GML: variants seen among roughly 807,000 people sequenced by gnomAD.
The protein encoded by GML is glycosylphosphatidylinositol anchored molecule like.
A neutral mutation model predicts 8.2 loss-of-function variants in GML; 5 were observed. The ratio of observed to expected loss-of-function variants is 0.61; its 90% confidence interval spans 0.32 to 1.28. The LOEUF (loss-of-function observed/expected upper bound fraction) is 1.28. Ranked by LOEUF, GML falls within the 50% of genes most tolerant of loss-of-function variation. The probability of loss-of-function intolerance (pLI) is 0.06; values close to 1 mark genes in which losing one functional copy is unlikely to be tolerated. For missense variants in GML, 191 were observed against 198.3 expected (o/e 0.96, Z 0.22); for synonymous variants, 72 against 69.0 (o/e 1.04, Z -0.22).
intron 3 of GML, among the ~76,000 whole-genome samples, chr8:142,841,800 A>G (rs1425817372): frequency 2.0e-5 from 3 of 152,180 alleles, no homozygotes; most frequent in African/African-American, 4.8e-5. Context: ...CCAGTGACCA[A>G]TGGAGCAAGC....
intron 3 of GML, among the ~76,000 whole-genome samples, chr8:142,841,902 G>A (rs756661700): frequency 5.3e-5 from 8 of 152,128 alleles, no homozygotes; most frequent in Non-Finnish European, 8.8e-5. Flanking sequence ...TTTTGTCCCC[G>A]GTGTCTGTGG....
chr8:142,846,441 C>G lies in GML; in HGVS notation c.228C>G (p.Asn76Lys). The G allele has an allele frequency of 6.2e-7, 1 of 1,612,364 alleles. No homozygotes were observed. Among genetic ancestry groups the G allele is most frequent in the Non-Finnish European group, 8.5e-7 (1 of 1,178,372 alleles). ...ELLVYKNCTN[N>K]CTFVYAAEQP... Reference sequence around the variant, plus strand: ...TTGTTTATAAGAACTGTACAAACAACTGCACATTTGTATATGCAGCTGAAC... The same window carrying G: ...TTGTTTATAAGAACTGTACAAACAAGTGCACATTTGTATATGCAGCTGAAC... Residue 76 changes from asparagine (N) to lysine (K), a missense_variant, in exon 4 of 4, where the codon AAC (asparagine) becomes AAG (lysine). Transcript: ENST00000220940.
At chr8:142,842,552 G>T (rs773309674) in intron 3 of GML, among the ~76,000 whole-genome samples, 2 of 152,182 alleles carry the variant, frequency 1.3e-5, no homozygotes, top group Non-Finnish European at 2.9e-5. Flanking sequence ...AGTGAGATTC[G>T]CAAGGTATGG....
At position 142,841,159 on chromosome 8, in the gene GML, G is replaced by T. The variant is rs147246218; in HGVS notation, c.115G>T (p.Asp39Tyr). 8 of 1,592,468 alleles carry T rather than the reference G, an allele frequency of 5.0e-6. No homozygotes were observed. Among genetic ancestry groups the T allele is most frequent in the South Asian group, 1.1e-5 (1 of 90,600 alleles). ...LRCHDCAVIN[D>Y]FNCPNIRVCP... ...ATGCCATGACTGTGCGGTCATAAAT[G>T]ACTTCAACTGTCCCAACATTAGAGT... The change falls in exon 3 of 4, where the codon GAC (aspartate) becomes TAC (tyrosine). Residue 39 changes from aspartate (D) to tyrosine (Y), a missense_variant. Transcript: ENST00000220940.
At chr8:142,843,255 TAC>T (rs55778635) in intron 3 of GML, among the ~76,000 whole-genome samples, 2,237 of 140,058 alleles carry the variant, frequency 0.016, 27 homozygotes, top group African/African-American at 0.045. Flanking sequence ...AAAAGGTTCA[TAC>T]ACACACACAC....
intron 3 of GML, among the ~76,000 whole-genome samples, chr8:142,843,732 T>G (rs1021873612): frequency 3.3e-5 from 5 of 152,318 alleles, no homozygotes; most frequent in Non-Finnish European, 7.3e-5. Context: ...AATGGTGCTC[T>G]TTAAAGTATC....
At chr8:142,838,354 A>G (rs1816371600) in intron 1 of GML, among the ~76,000 whole-genome samples, 2 of 151,992 alleles carry the variant, frequency 1.3e-5, no homozygotes, top group Non-Finnish European at 2.9e-5. Context: ...GGGCTTAATC[A>G]CTTCTGTGCC....
At chr8:142,843,764 C>T (rs1473394056) in intron 3 of GML, among the ~76,000 whole-genome samples, 1 of 151,978 alleles carries the variant, frequency 6.6e-6, no homozygotes, top group African/African-American at 2.4e-5. Flanking sequence ...TACCACAAAT[C>T]TAACTGGATT....
Position 142,839,271 on chromosome 8 carries a change from A to G in GML, c.-22-1145A>G, listed in dbSNP as rs549122373. 3.3e-3 allele frequency among the ~76,000 whole-genome samples: 509 copies of G among 152,316 alleles called. 3 individuals carry two copies. The highest frequency in any genetic ancestry group is 4.9e-3 in the Non-Finnish European group (332 of 68,026). Reference sequence around the variant, plus strand: ...CAAGGGTGGACACTGACAGGCCCCCAGTCTTGGTCTCCTGCATGCCAGAGG... The same window carrying G: ...CAAGGGTGGACACTGACAGGCCCCCGGTCTTGGTCTCCTGCATGCCAGAGG... On this transcript the variant is annotated intron_variant, in intron 1 of 3. Transcript: ENST00000220940.
At chr8:142,841,329 T>C in intron 3 of GML, 104 bp downstream of exon 3, 1 of 704,596 alleles carries the variant, frequency 1.4e-6, no homozygotes, top group Non-Finnish European at 2.6e-6. Context: ...CCAGCTCTGT[T>C]TCCCCTTCCC....
chr8:142,845,486 T>C (rs1453148621), intron 3 of GML, among the ~76,000 whole-genome samples: 2 of 152,264 alleles, frequency 1.3e-5, no homozygotes, highest in African/African-American at 4.8e-5. Context: ...CTGGTTCGTA[T>C]TCATCATTTG....
chr8:142,835,413 C>G (rs1456507392), intron 1 of GML, among the ~76,000 whole-genome samples: 4 of 152,206 alleles, frequency 2.6e-5, no homozygotes, highest in Non-Finnish European at 5.9e-5. Context: ...CCCCAAGGCG[C>G]GGGTCTCGGG....
At chr8:142,845,921 GA>G (rs1338238548) in intron 3 of GML, among the ~76,000 whole-genome samples, 1 of 152,194 alleles carries the variant, frequency 6.6e-6, no homozygotes, top group East Asian at 1.9e-4. Context: ...TCCCAGGAAG[GA>G]GTTTACCCTA....
At chr8:142,841,048 G>C (rs1816424699) in intron 2 of GML, 70 bp from the exon 3 acceptor site, 1 of 804,192 alleles carries the variant, frequency 1.2e-6, no homozygotes, top group Non-Finnish European at 2.2e-6. Flanking sequence ...AAGAAGGGTG[G>C]AGTGAGCTGG....
chr8:142,846,282 G>A (rs1044776052), intron 3 of GML, 113 bp from the exon 4 acceptor site: 3 of 673,336 alleles, frequency 4.5e-6, no homozygotes, highest in Non-Finnish European at 5.2e-6. Flanking sequence ...ACAGCTGGGA[G>A]TGTAGAATGT....
intron 3 of GML, 102 bp from the exon 4 acceptor site, chr8:142,846,293 G>A (rs1816502696): frequency 1.4e-6 from 1 of 722,992 alleles, no homozygotes; most frequent in Non-Finnish European, 2.4e-6. Context: ...TGTAGAATGT[G>A]TACATGGAGC....
At chr8:142,841,348 TC>T in intron 3 of GML, 123 bp downstream of exon 3, 1 of 664,008 alleles carries the variant, frequency 1.5e-6, no homozygotes. Context: ...CCTCATGTCC[TC>T]CCATCCTGAG....
At chr8:142,841,075 C>T (rs755436660) in intron 2 of GML, 43 bp from the exon 3 acceptor site, 4 of 925,650 alleles carry the variant, frequency 4.3e-6, no homozygotes, top group East Asian at 2.4e-5. Flanking sequence ...GTGGAAAAGG[C>T]GTAGTGGAGC....
chr8:142,836,879 G>T (rs1197513417), intron 1 of GML, among the ~76,000 whole-genome samples: 1 of 152,160 alleles, frequency 6.6e-6, no homozygotes, highest in Non-Finnish European at 1.5e-5. Flanking sequence ...GGCTTGTCTC[G>T]TGTTGAAGTC....
Sources: gnomAD v4.1 joint callset for allele counts (sites outside exome capture counted in the v4.1 genomes callset) on GRCh38, gnomAD v4.1.1 for gene constraint, MANE v1.5 for transcripts, NCBI Gene and HGNC (gene_info 2026-07-23, HGNC 2026-07-21) for gene names.